WHRN: variants seen among roughly 807,000 people sequenced by gnomAD.
WHRN encodes the protein whirlin.
WHRN carries 41 observed loss-of-function variants against 68.3 expected under a neutral mutation model. That is an observed-to-expected ratio of 0.60 (90% CI 0.47 to 0.78). The LOEUF (loss-of-function observed/expected upper bound fraction) is 0.78. WHRN is among the 30% of genes least tolerant of loss of function. WHRN has a pLI of 0.00. For missense variants in WHRN, 1,243 were observed against 1,244.7 expected (o/e 1.00, Z 0.02); for synonymous variants, 560 against 561.3 (o/e 1.00, Z 0.03).
Position 114,478,598 on chromosome 9 carries a change from G to C in WHRN, c.792C>G (p.Asp264Glu). The change falls in exon 2 of 12, where the codon GAC becomes GAG. Residue 264 changes from aspartate to glutamate, a missense_variant. Asp to Glu is a conservative substitution (Grantham distance 45). Transcript: ENST00000362057. ...HGGALRQQEG[D>E]RRSTLHLLQG... ...GCAGGAGGTGCAGGGTGCTCCTCCGGTCACCCTCCTGCTGCCTCAGGGCAC... is the reference window on the plus strand; with the variant it reads ...GCAGGAGGTGCAGGGTGCTCCTCCGCTCACCCTCCTGCTGCCTCAGGGCAC... The C allele has an allele frequency of 1.2e-6, 2 of 1,614,054 alleles. No homozygotes were observed. Among genetic ancestry groups the C allele is most frequent in the Non-Finnish European group, 1.7e-6 (2 of 1,179,950 alleles).
At chr9:114,420,584 T>C (rs1836194094) in intron 7 of WHRN, among the ~76,000 whole-genome samples, 1 of 152,094 alleles carries the variant, frequency 6.6e-6, no homozygotes, top group Non-Finnish European at 1.5e-5. Context: ...GCTGAATCTG[T>C]GGAAGGGAGC....
chr9:114,404,741 A>G (rs1469589825), intron 9 of WHRN, among the ~76,000 whole-genome samples: 2 of 152,248 alleles, frequency 1.3e-5, no homozygotes, highest in Admixed American at 1.3e-4. Flanking sequence ...TAAGCCTCCT[A>G]TGTTCTCCTT....
At position 114,470,533 on chromosome 9, in the gene WHRN, C is replaced by T. The variant is rs1180387264; in HGVS notation, c.838-4141G>A. ...TGGACTGCAGGAAGACTCCTGGAAA[C>T]GGGAAGCAGGAGAGGGGTGACTTTG... On this transcript the variant is annotated intron_variant, in intron 2 of 11. Coordinates refer to ENST00000362057, the MANE Select transcript of WHRN (RefSeq NM_015404.4). Among the ~76,000 whole-genome samples, 6 of 152,082 alleles carry T rather than the reference C, an allele frequency of 3.9e-5. 1 individual carries two copies. Among genetic ancestry groups the T allele is most frequent in the South Asian group, 4.1e-4 (2 of 4,834 alleles).
intron 3 of WHRN, among the ~76,000 whole-genome samples, chr9:114,433,770 C>T (rs1251938679): frequency 6.6e-6 from 1 of 152,180 alleles, no homozygotes. Context: ...TCTGGGTGAG[C>T]TCTTCACCCA....
intron 6 of WHRN, 59 bp from the exon 7 acceptor site, chr9:114,423,582 G>A (rs563152663): frequency 2.2e-5 from 33 of 1,511,162 alleles, no homozygotes; most frequent in African/African-American, 2.1e-4. Context: ...GTGGAACAGG[G>A]GCCCTGCTAC....
intron 3 of WHRN, among the ~76,000 whole-genome samples, chr9:114,459,338 C>T (rs566585703): frequency 2.8e-4 from 43 of 152,056 alleles, no homozygotes; most frequent in Non-Finnish European, 5.3e-4. Flanking sequence ...GTAGCAGGCA[C>T]CTGTAATCCC....
intron 3 of WHRN, among the ~76,000 whole-genome samples, chr9:114,437,163 C>T (rs1286266812): frequency 2.6e-5 from 4 of 152,114 alleles, no homozygotes; most frequent in South Asian, 4.1e-4. Flanking sequence ...CTACAAATCA[C>T]TGTGACAAAG....
chr9:114,424,162 C>T (rs1231565563), intron 6 of WHRN, among the ~76,000 whole-genome samples, 172 bp downstream of exon 6: 1 of 152,224 alleles, frequency 6.6e-6, no homozygotes. Context: ...GTCTGTTTCC[C>T]CCAGGAGTCT....
rs537520527 is a variant in WHRN, at chr9:114,500,256, G to T, written c.618+3928C>A. Among the ~76,000 whole-genome samples, 6 of 152,342 alleles carry T rather than the reference G, an allele frequency of 3.9e-5. No individual in the cohort carries two copies. The South Asian group carries it at 1.0e-3, about 26-fold the overall frequency. On this transcript the variant is annotated intron_variant, in intron 1 of 11. Coordinates refer to ENST00000362057, the MANE Select transcript of WHRN (RefSeq NM_015404.4). Reference sequence around the variant, plus strand: ...AGAGTGAAAACAGGGCCAGAGGAAGGTCTGTGCATGCCATGGTGCCACGGT... The same window carrying T: ...AGAGTGAAAACAGGGCCAGAGGAAGTTCTGTGCATGCCATGGTGCCACGGT...
At chr9:114,407,618 T>C (rs796798212) in intron 8 of WHRN, among the ~76,000 whole-genome samples, 3 of 152,290 alleles carry the variant, frequency 2.0e-5, no homozygotes, top group African/African-American at 7.2e-5. Flanking sequence ...CACGAACTTA[T>C]GGGGTAGGTA....
At chr9:114,465,304 G>A (rs1564187251) in intron 3 of WHRN, among the ~76,000 whole-genome samples, 1 of 152,202 alleles carries the variant, frequency 6.6e-6, no homozygotes, top group Non-Finnish European at 1.5e-5. Context: ...AAGGCCCTTT[G>A]TTACAAAGAT....
chr9:114,423,467 G>A lies in WHRN; in HGVS notation c.1473C>T (p.Phe491=), dbSNP rs886044241. 9.9e-6 allele frequency: 16 copies of A among 1,613,898 alleles called. No homozygotes were observed. The highest frequency in any genetic ancestry group is 6.7e-5 in the Admixed American group (4 of 59,990). ...GTISPQDLER[F]DHLVLRREIE... ...TCTCACGCCTCAGCACCAGGTGGTC[G>A]AAGCGTTCTAGGTCTTGCGGGGAAA... The change falls in exon 7 of 12, where the codon TTC becomes TTT. Residue 491 remains phenylalanine (F), a synonymous_variant. Coordinates refer to ENST00000362057, the MANE Select transcript of WHRN (RefSeq NM_015404.4).
At chr9:114,432,173 T>G (rs1837478072) in intron 3 of WHRN, among the ~76,000 whole-genome samples, 1 of 152,176 alleles carries the variant, frequency 6.6e-6, no homozygotes, top group African/African-American at 2.4e-5. Context: ...TCCTCCATCA[T>G]CCACAGCCCA....
intron 3 of WHRN, among the ~76,000 whole-genome samples, chr9:114,442,334 T>C (rs1838443293): frequency 1.3e-5 from 2 of 152,166 alleles, no homozygotes; most frequent in South Asian, 2.1e-4. Flanking sequence ...ATTGTGACCA[T>C]TGTTCTGTGA....
In WHRN at chr9:114,402,745, C is replaced by T. The variant is rs753436595; in HGVS notation, c.*9G>A. ...TGGGCAGTGGTGGGAGGCCCTCAGGCCTTGGCCTCTAGAGCATCACATTGA... is the reference window on the plus strand; with the variant it reads ...TGGGCAGTGGTGGGAGGCCCTCAGGTCTTGGCCTCTAGAGCATCACATTGA... On this transcript the variant is annotated 3_prime_UTR_variant, in exon 12 of 12. Coordinates refer to ENST00000362057, the MANE Select transcript of WHRN (RefSeq NM_015404.4). 6.2e-7 allele frequency: 1 copy of T among 1,613,528 alleles called. No homozygotes were observed. The highest frequency in any genetic ancestry group is 1.3e-5 in the African/African-American group (1 of 74,906).
At chr9:114,456,138 T>TA (rs575801905) in intron 3 of WHRN, among the ~76,000 whole-genome samples, 40 of 52,806 alleles carry the variant, frequency 7.6e-4, no homozygotes, top group African/African-American at 9.1e-4. Context: ...AAAAAAACTC[T>TA]AAAAAAAAAA....
In WHRN at chr9:114,504,916, G is replaced by T; in HGVS notation, c.-115C>A. 7.6e-7 allele frequency: 1 copy of T among 1,313,444 alleles called. No individual in the cohort carries two copies. The highest frequency in any genetic ancestry group is 9.7e-7 in the Non-Finnish European group (1 of 1,035,658). 81.4% of individuals were successfully genotyped at this position (1,313,444 alleles called of 1,614,324 possible). ...CGGGAGCGCGGAGACGACGGCTGGAGCCTGGGTTTGGGGAGCACGGGTACA... is the reference window on the plus strand; with the variant it reads ...CGGGAGCGCGGAGACGACGGCTGGATCCTGGGTTTGGGGAGCACGGGTACA... On this transcript the variant is annotated 5_prime_UTR_variant, in exon 1 of 12. Transcript: ENST00000362057.
chr9:114,478,315 A>G, intron 2 of WHRN: 1 of 707,732 alleles, frequency 1.4e-6, no homozygotes, highest in Non-Finnish European at 2.6e-6. Flanking sequence ...CAATCAATAA[A>G]TAAATCACAG....
intron 7 of WHRN, among the ~76,000 whole-genome samples, chr9:114,422,672 C>A (rs7862072): frequency 0.77 from 116,663 of 151,972 alleles, 44,941 homozygotes; most frequent in East Asian, 0.94. Context: ...CGTCTCTACC[C>A]AAAAATACAA....
Sources: gnomAD v4.1 joint callset for allele counts (sites outside exome capture counted in the v4.1 genomes callset) on GRCh38, gnomAD v4.1.1 for gene constraint, MANE v1.5 for transcripts, NCBI Gene and HGNC (gene_info 2026-07-23, HGNC 2026-07-21) for gene names.